ABCA12: variants seen among roughly 807,000 people sequenced by gnomAD.
ABCA12 encodes glucosylceramide transporter ABCA12.
Under a neutral mutation model 293.5 loss-of-function variants are expected in ABCA12, and 156 were observed. The observed-to-expected ratio is 0.53, with a 90% CI of 0.47 to 0.61. The LOEUF is 0.61. ABCA12 is among the 20% of genes least tolerant of loss of function. ABCA12 has a pLI of 0.00. For missense variants in ABCA12, 2,797 were observed against 3,090.2 expected, an observed-to-expected ratio of 0.91 and a Z score of 2.25; for synonymous variants, 1,063 against 1,108.0, an observed-to-expected ratio of 0.96 and a Z score of 0.81.
intron 1 of ABCA12, among the ~76,000 whole-genome samples, chr2:215,125,274 T>C (rs572831965): frequency 1.3e-5 from 2 of 152,180 alleles, no homozygotes; most frequent in Non-Finnish European, 2.9e-5. Flanking sequence ...TAGTCTTGCT[T>C]TGGCTATGTG....
At chr2:214,942,208 C>CTGTT (rs1296408021) in intron 50 of ABCA12, among the ~76,000 whole-genome samples, 2 of 152,162 alleles carry the variant, frequency 1.3e-5, no homozygotes, top group East Asian at 3.8e-4. Flanking sequence ...TGCCAGCTAA[C>CTGTT]TGTTTGCACC....
At chr2:214,938,189 A>T (rs913878305) in intron 50 of ABCA12, among the ~76,000 whole-genome samples, 2 of 149,618 alleles carry the variant, frequency 1.3e-5, no homozygotes, top group Non-Finnish European at 3.0e-5. Context: ...CCCACTTATG[A>T]GTGAGAACAT....
intron 19 of ABCA12, among the ~76,000 whole-genome samples, chr2:215,005,967 G>T (rs555881665): frequency 1.3e-5 from 2 of 152,252 alleles, no homozygotes; most frequent in African/African-American, 2.4e-5. Flanking sequence ...TCACCTAAGG[G>T]TTCACAGTGG....
At chr2:214,982,094 G>C in intron 30 of ABCA12, 93 bp downstream of exon 30, 1 of 1,334,012 alleles carries the variant, frequency 7.5e-7, no homozygotes, top group East Asian at 2.4e-5. Context: ...TTATAGGCGT[G>C]AGCCACTGCA....
rs540299499 is a variant in ABCA12 at position 215,013,609 on chromosome 2, G to A, written c.1957-1474C>T. ...TTAACGTGAAATAAATTGGCATGCC[G>A]ACGTTTAACGGCTAGACTCAACAGC... On this transcript the variant is annotated intron_variant, in intron 15 of 52. Coordinates refer to ENST00000272895, the MANE Select transcript of ABCA12 (RefSeq NM_173076.3). 16 of 154,404 alleles carry A rather than the reference G, an allele frequency of 1.0e-4. No homozygotes were observed. The South Asian group carries it at 2.4e-3, about 24-fold the overall frequency. The allele number at this position is 154,404 out of a possible 1,614,324, so 9.6% of individuals were successfully genotyped here.
intron 24 of ABCA12, among the ~76,000 whole-genome samples, chr2:214,990,246 A>T (rs1203633364): frequency 3.9e-5 from 6 of 152,186 alleles, no homozygotes; most frequent in African/African-American, 9.7e-5. Flanking sequence ...GTGCTTCTGA[A>T]TTGACAAGGC....
chr2:215,047,356 G>A (rs1701224208), intron 6 of ABCA12, among the ~76,000 whole-genome samples: 1 of 152,100 alleles, frequency 6.6e-6, no homozygotes, highest in African/African-American at 2.4e-5. Flanking sequence ...TTATTGCTGA[G>A]GAATCACATT....
At chr2:215,074,760 G>A (rs1701802243) in intron 2 of ABCA12, among the ~76,000 whole-genome samples, 1 of 152,054 alleles carries the variant, frequency 6.6e-6, no homozygotes, top group Non-Finnish European at 1.5e-5. Flanking sequence ...TGGTCAACAT[G>A]GTAAAGCCCC....
In ABCA12 at chr2:214,945,061, A is replaced by G; in HGVS notation, c.7283T>C (p.Leu2428Pro). 1 of 1,613,818 alleles carries G rather than the reference A, an allele frequency of 6.2e-7. No homozygotes were observed. Among genetic ancestry groups the G allele is most frequent in the Admixed American group, 1.7e-5 (1 of 59,938 alleles). The stretch of plus-strand genomic sequence containing the variant: ...TACTTCTTCTGAAATGATCTTCCAG[A>G]GGTGCCGTTTCGACTTCGGATCCAT... ...SGMDPKSKRH[L>P]WKIISEEVQN... The change falls in exon 49 of 53, where the codon CTC (leucine) becomes CCC (proline). Residue 2428 changes from leucine (L) to proline (P), a missense_variant. Leu to Pro is a moderately conservative substitution (Grantham distance 98). Around this residue, in one of 3 missense-constraint regions of ABCA12, gnomAD observed 2,130 missense variants for 2,427.0 expected, o/e 0.88. Coordinates refer to ENST00000272895, the MANE Select transcript of ABCA12 (RefSeq NM_173076.3).
At chr2:214,958,486 C>T in intron 40 of ABCA12, 32 bp from the exon 41 acceptor site, 1 of 1,609,038 alleles carries the variant, frequency 6.2e-7, no homozygotes, top group Non-Finnish European at 8.5e-7. Context: ...GGAAAACACA[C>T]ATAAGTTTTT....
intron 7 of ABCA12, among the ~76,000 whole-genome samples, chr2:215,044,141 A>C (rs1701157276): frequency 1.3e-5 from 2 of 152,096 alleles, no homozygotes; most frequent in African/African-American, 4.8e-5. Context: ...AAGTCTTCAT[A>C]TAGGTGTATA....
intron 41 of ABCA12, among the ~76,000 whole-genome samples, chr2:214,957,491 G>T (rs1698986534): frequency 1.3e-5 from 2 of 152,164 alleles, no homozygotes; most frequent in Admixed American, 1.3e-4. Flanking sequence ...CTCCTGTTAA[G>T]TCCTGAGAAG....
At chr2:215,078,472 AAT>A (rs533714232) in intron 2 of ABCA12, among the ~76,000 whole-genome samples, 17 of 152,346 alleles carry the variant, frequency 1.1e-4, no homozygotes, top group African/African-American at 3.6e-4. Flanking sequence ...CATTTCGGGT[AAT>A]GTTGCCTTCA....
intron 5 of ABCA12, 35 bp from the exon 6 acceptor site, chr2:215,049,846 G>A (rs566146049): frequency 2.2e-5 from 34 of 1,560,276 alleles, no homozygotes; most frequent in Non-Finnish European, 2.8e-5. Flanking sequence ...AAATAAGAGT[G>A]TTAATAAATG....
At chr2:215,113,054 G>A (rs954139987) in intron 1 of ABCA12, among the ~76,000 whole-genome samples, 9 of 152,178 alleles carry the variant, frequency 5.9e-5, no homozygotes, top group Middle Eastern at 3.4e-3. Flanking sequence ...TAGTTTTCTG[G>A]TCAGACTTAT....
intron 2 of ABCA12, among the ~76,000 whole-genome samples, chr2:215,105,828 C>A (rs993931332): frequency 2.0e-5 from 3 of 152,022 alleles, no homozygotes; most frequent in African/African-American, 7.2e-5. Flanking sequence ...ACCTGAAAGA[C>A]TAACTAGTGT....
chr2:214,967,243 A>G (rs1210814438), intron 38 of ABCA12, among the ~76,000 whole-genome samples: 1 of 152,120 alleles, frequency 6.6e-6, no homozygotes, highest in African/African-American at 2.4e-5. Context: ...TGGAGAAATC[A>G]TTATCTACAT....
chr2:214,966,925 G>A lies in ABCA12; in HGVS notation c.5807C>T (p.Ser1936Phe). The change falls in exon 39 of 53, where the codon TCC (serine) becomes TTC (phenylalanine). Residue 1936 changes from serine to phenylalanine, a missense_variant. Coordinates refer to ENST00000272895, the MANE Select transcript of ABCA12 (RefSeq NM_173076.3). ...KVWYDPEGYH[S>F]LPAYLNSLNN... ...CAGGCTGTTGAGGTAAGCTGGAAGG[G>A]AGTGATAGCCTTCTGGATCATACCA... is the stretch of plus-strand genomic sequence containing the variant. 6.2e-7 allele frequency: 1 copy of A among 1,613,766 alleles called. No homozygotes were observed. Among genetic ancestry groups the A allele is most frequent in the Non-Finnish European group, 8.5e-7 (1 of 1,179,762 alleles).
chr2:215,010,549 A>G, intron 17 of ABCA12, 79 bp from the exon 18 acceptor site: 1 of 1,498,564 alleles, frequency 6.7e-7, no homozygotes, highest in South Asian at 1.2e-5. Flanking sequence ...GACAGAGATT[A>G]TTCTTATCAC....
Sources: gnomAD v4.1 joint callset for allele counts (sites outside exome capture counted in the v4.1 genomes callset) on GRCh38, gnomAD v4.1.1 for gene constraint, gnomAD v4.1.1 regional missense constraint, MANE v1.5 for transcripts, NCBI Gene and HGNC (gene_info 2026-07-23, HGNC 2026-07-21) for gene names.